The following GALNTL6 variants were observed in gnomAD, a reference collection of about 807,000 sequenced individuals.
GALNTL6 encodes polypeptide N-acetylgalactosaminyltransferase like 6.
Under a neutral mutation model 73.7 loss-of-function variants are expected in GALNTL6, and 46 were observed. That is an observed-to-expected ratio of 0.62 (90% CI 0.49 to 0.80). The LOEUF is 0.80. Among genes scored for constraint, GALNTL6 ranks in the 30% least tolerant of loss-of-function variants. GALNTL6 has a pLI of 0.00. For synonymous variants in GALNTL6, 259 were observed against 263.7 expected (o/e 0.98, Z 0.17); for missense variants, 604 against 755.0 (o/e 0.80, Z 2.34).
Position 173,035,139 on chromosome 4 carries a change from C to T in GALNTL6, c.1639-4794C>T, listed in dbSNP as rs1407065364. Among the ~76,000 whole-genome samples, 5 of 150,302 alleles carry T rather than the reference C, an allele frequency of 3.3e-5. No individual in the cohort carries two copies. The East Asian group carries it at 9.7e-4, about 29-fold the overall frequency. ...CTTTAAGTTCTAGGGTACATGTGCACAACATGCAGGTTTGTTACATATGTA... is the reference window on the plus strand; with the variant it reads ...CTTTAAGTTCTAGGGTACATGTGCATAACATGCAGGTTTGTTACATATGTA... On this transcript the variant is annotated intron_variant, in intron 12 of 12. Coordinates refer to ENST00000506823, the MANE Select transcript of GALNTL6 (RefSeq NM_001034845.3).
intron 2 of GALNTL6, among the ~76,000 whole-genome samples, chr4:172,085,701 A>C (rs889381310): frequency 6.6e-6 from 1 of 151,636 alleles, no homozygotes; most frequent in East Asian, 1.9e-4. Flanking sequence ...ATATAAATGT[A>C]TTTAAAAATC....
intron 2 of GALNTL6, among the ~76,000 whole-genome samples, chr4:172,131,992 G>A (rs1412415550): frequency 1.3e-5 from 2 of 151,924 alleles, no homozygotes; most frequent in Non-Finnish European, 2.9e-5. Flanking sequence ...ATTCTTCAGA[G>A]TATTTATTGA....
intron 2 of GALNTL6, among the ~76,000 whole-genome samples, chr4:171,940,812 C>T (rs1175456731): frequency 2.8e-5 from 3 of 105,694 alleles, no homozygotes. Flanking sequence ...AGCAAGATTC[C>T]ATCTCAGAAA....
At chr4:172,392,968 T>C (rs1743719172) in intron 5 of GALNTL6, among the ~76,000 whole-genome samples, 1 of 152,182 alleles carries the variant, frequency 6.6e-6, no homozygotes, top group Admixed American at 6.5e-5. Context: ...CCACCTCCTG[T>C]TAGATCAGCG....
In GALNTL6 at chr4:172,442,292, G is replaced by A. The variant is rs545043450; in HGVS notation, c.553+93603G>A. ...GGAACTGTCTCATTCTCATATTTAA[G>A]TTCTGGGATATTGCTGGTGATCATC... On this transcript the variant is annotated intron_variant, in intron 5 of 12. Coordinates refer to ENST00000506823, the MANE Select transcript of GALNTL6 (RefSeq NM_001034845.3). Among the ~76,000 whole-genome samples, 64 of 152,174 alleles carry A rather than the reference G, an allele frequency of 4.2e-4. 1 individual carries two copies. Among genetic ancestry groups the A allele is most frequent in the African/African-American group, 1.5e-3 (61 of 41,514 alleles).
In GALNTL6 at chr4:171,993,119, C is replaced by T. The variant is rs556408915; in HGVS notation, c.138+178401C>T. Among the ~76,000 whole-genome samples, 194 of 152,006 alleles carry T rather than the reference C, an allele frequency of 1.3e-3. 1 individual carries two copies. Among genetic ancestry groups the T allele is most frequent in the Non-Finnish European group, 2.6e-3 (174 of 67,964 alleles). Reference sequence around the variant, plus strand: ...AACACGGCATATTTAATTGTAACTTCAGGAGGCACAATTATTCTTATTATA... The same window carrying T: ...AACACGGCATATTTAATTGTAACTTTAGGAGGCACAATTATTCTTATTATA... On this transcript the variant is annotated intron_variant, in intron 2 of 12. Coordinates refer to ENST00000506823, the MANE Select transcript of GALNTL6 (RefSeq NM_001034845.3).
chr4:172,002,188 T>A (rs955805900), intron 2 of GALNTL6, among the ~76,000 whole-genome samples: 11 of 152,232 alleles, frequency 7.2e-5, no homozygotes, highest in Non-Finnish European at 1.2e-4. Flanking sequence ...TGCCATGGAT[T>A]GAATTTTCTT....
At chr4:172,417,154 T>A (rs865886527) in intron 5 of GALNTL6, among the ~76,000 whole-genome samples, 1 of 151,766 alleles carries the variant, frequency 6.6e-6, no homozygotes, top group Admixed American at 6.6e-5. Flanking sequence ...CTGACTCTGA[T>A]TCTCCTTCTG....
chr4:172,298,173 A>G (rs993475261), intron 3 of GALNTL6, among the ~76,000 whole-genome samples: 3 of 152,130 alleles, frequency 2.0e-5, no homozygotes, highest in Non-Finnish European at 4.4e-5. Flanking sequence ...TTGGTGTATA[A>G]GAATGCTTGT....
chr4:172,975,055 G>A (rs1342118027), intron 10 of GALNTL6, among the ~76,000 whole-genome samples: 2 of 152,208 alleles, frequency 1.3e-5, no homozygotes, highest in African/African-American at 4.8e-5. Context: ...CCCCCACGTG[G>A]CAAGCAGGGG....
chr4:171,843,786 T>A (rs72983809), intron 2 of GALNTL6, among the ~76,000 whole-genome samples: 2,131 of 152,258 alleles, frequency 0.014, 54 homozygotes, highest in African/African-American at 0.049. Context: ...TCACAGAACA[T>A]GCTATAAATA....
intron 7 of GALNTL6, among the ~76,000 whole-genome samples, chr4:172,845,700 G>C (rs1448149932): frequency 6.6e-6 from 1 of 152,094 alleles, no homozygotes; most frequent in Non-Finnish European, 1.5e-5. Context: ...AAATTAAGTG[G>C]ACTGAAGTGA....
intron 5 of GALNTL6, among the ~76,000 whole-genome samples, chr4:172,798,329 T>A (rs1416876446): frequency 6.6e-6 from 1 of 152,140 alleles, no homozygotes; most frequent in Non-Finnish European, 1.5e-5. Context: ...GGTGACTGAA[T>A]CTTAGAGGTG....
At chr4:171,949,894 T>G (rs894548790) in intron 2 of GALNTL6, among the ~76,000 whole-genome samples, 3 of 152,100 alleles carry the variant, frequency 2.0e-5, no homozygotes, top group Admixed American at 1.3e-4. Context: ...AAAAAGATTT[T>G]AAAAAGGAGG....
intron 5 of GALNTL6, among the ~76,000 whole-genome samples, chr4:172,450,440 C>A (rs1732170134): frequency 6.6e-6 from 1 of 152,186 alleles, no homozygotes; most frequent in Non-Finnish European, 1.5e-5. Flanking sequence ...AGGCTATTGT[C>A]ATCTTTCACT....
intron 5 of GALNTL6, among the ~76,000 whole-genome samples, chr4:172,739,493 T>C (rs1736677271): frequency 6.6e-6 from 1 of 152,188 alleles, no homozygotes; most frequent in African/African-American, 2.4e-5. Context: ...GGGTGGGTTT[T>C]ATTTTTTAGC....
intron 2 of GALNTL6, among the ~76,000 whole-genome samples, chr4:171,910,258 C>A (rs113761712): frequency 1.3e-5 from 2 of 151,878 alleles, no homozygotes; most frequent in Non-Finnish European, 2.9e-5. Flanking sequence ...ATCTGAATTG[C>A]GCTAATTTTT....
chr4:172,816,936 G>A (rs1363761137), intron 7 of GALNTL6, among the ~76,000 whole-genome samples: 4 of 151,732 alleles, frequency 2.6e-5, no homozygotes, highest in Non-Finnish European at 5.9e-5. Flanking sequence ...GTGAAACCCC[G>A]CCTTTACTAA....
chr4:172,351,009 T>C (rs1367426993), intron 5 of GALNTL6, among the ~76,000 whole-genome samples: 1 of 152,152 alleles, frequency 6.6e-6, no homozygotes, highest in Non-Finnish European at 1.5e-5. Flanking sequence ...GGAGAGGTTA[T>C]GATGGAGGGC....
Sources: allele counts gnomAD v4.1 joint callset (sites outside exome capture counted in the v4.1 genomes callset), GRCh38; gene constraint gnomAD v4.1.1; transcripts MANE v1.5; gene names NCBI Gene and HGNC (gene_info 2026-07-23, HGNC 2026-07-21).